Variants in ZFHX3 observed in about 807,000 individuals in gnomAD.
ZFHX3 encodes the protein zinc finger homeobox 3.
In ZFHX3, 42 loss-of-function variants were observed where a neutral mutation model predicts 279.1. The observed-to-expected ratio is 0.15, with a 90% confidence interval of 0.12 to 0.19. The LOEUF (loss-of-function observed/expected upper bound fraction) is 0.19. Among genes scored for constraint, ZFHX3 ranks in the 10% least tolerant of loss-of-function variants. The pLI is 1.00. For synonymous variants in ZFHX3, 2,293 were observed against 1,957.8 expected (o/e 1.17, Z -4.52); for missense variants, 4,981 against 4,754.0 (o/e 1.05, Z -1.40).
At chr16:72,866,858 C>T (rs2038035888) in intron 4 of ZFHX3, among the ~76,000 whole-genome samples, 2 of 152,204 alleles carry the variant, frequency 1.3e-5, no homozygotes, top group Admixed American at 6.5e-5. Context: ...GGCACAAACC[C>T]ACCGACCTGC....
chr16:73,879,002 G>A (rs2030051855), intron 1 of ZFHX3, among the ~76,000 whole-genome samples: 1 of 149,354 alleles, frequency 6.7e-6, no homozygotes, highest in Non-Finnish European at 1.5e-5. Flanking sequence ...AGATCATTAT[G>A]TTCTTCCTCT....
At chr16:73,866,866 C>G (rs1266668596) in intron 1 of ZFHX3, among the ~76,000 whole-genome samples, 1 of 152,190 alleles carries the variant, frequency 6.6e-6, no homozygotes, top group East Asian at 1.9e-4. Context: ...CAAGGCAGCT[C>G]TAGGGAAACC....
intron 1 of ZFHX3, among the ~76,000 whole-genome samples, chr16:73,788,879 C>T (rs1410844689): frequency 1.3e-5 from 2 of 151,654 alleles, no homozygotes; most frequent in Admixed American, 1.3e-4. Flanking sequence ...GAGGCTGAGG[C>T]AGGAGATCCG....
At chr16:73,715,522 G>A (rs1051608957) in intron 1 of ZFHX3, among the ~76,000 whole-genome samples, 2 of 146,062 alleles carry the variant, frequency 1.4e-5, no homozygotes, top group South Asian at 2.1e-4. Flanking sequence ...CACTGAGGCC[G>A]AAACTTATGA....
At chr16:73,154,806 C>A (rs1426693613) in intron 5 of ZFHX3, among the ~76,000 whole-genome samples, 5 of 150,398 alleles carry the variant, frequency 3.3e-5, no homozygotes, top group South Asian at 2.1e-4. Context: ...GTGGTGAAGG[C>A]CATTAAAAAA....
intron 1 of ZFHX3, among the ~76,000 whole-genome samples, chr16:73,876,875 G>A (rs368076635): frequency 1.3e-4 from 20 of 152,106 alleles, no homozygotes; most frequent in African/African-American, 2.4e-4. Flanking sequence ...AAAACCCACC[G>A]TGTGGGTTCA....
intron 4 of ZFHX3, among the ~76,000 whole-genome samples, chr16:72,863,229 A>C (rs1197343324): frequency 6.6e-6 from 1 of 151,262 alleles, no homozygotes; most frequent in Non-Finnish European, 1.5e-5. Flanking sequence ...CAGGTCAGGC[A>C]TGGTGGCTCA....
intron 1 of ZFHX3, among the ~76,000 whole-genome samples, chr16:73,705,841 T>A (rs1193830741): frequency 3.9e-5 from 6 of 152,326 alleles, no homozygotes; most frequent in Non-Finnish European, 8.8e-5. Flanking sequence ...CATATCCAAT[T>A]TATGGCCCTA....
At chr16:73,256,578 G>A (rs1484858005) in intron 5 of ZFHX3, among the ~76,000 whole-genome samples, 2 of 152,216 alleles carry the variant, frequency 1.3e-5, no homozygotes, top group Non-Finnish European at 2.9e-5. Flanking sequence ...CCAGTGATGG[G>A]AGCAGATGGC....
chr16:73,732,000 T>C (rs1231566712), intron 1 of ZFHX3, among the ~76,000 whole-genome samples: 1 of 152,232 alleles, frequency 6.6e-6, no homozygotes, highest in African/African-American at 2.4e-5. Flanking sequence ...CTTGGGGATT[T>C]CAGGCTTTGG....
chr16:73,557,347 G>C (rs932571720), intron 2 of ZFHX3, among the ~76,000 whole-genome samples: 1 of 152,008 alleles, frequency 6.6e-6, no homozygotes, highest in East Asian at 1.9e-4. Flanking sequence ...AAACTAGTCC[G>C]GACCCAGACC....
In ZFHX3 at chr16:73,315,098, T is replaced by C. The variant is rs1315137300; in HGVS notation, c.-1194+3142A>G. Among the ~76,000 whole-genome samples, 4 of 151,638 alleles carry C rather than the reference T, an allele frequency of 2.6e-5. No homozygotes were observed. In the East Asian group the frequency reaches 7.8e-4, roughly 30 times the overall value. On this transcript the variant is annotated intron_variant, in intron 4 of 17. Coordinates refer to the ZFHX3 transcript ENST00000641206. ...CAAAAATTAGTTGGATGTGGTGGGG[T>C]GCACCTACAATCCCAGCTAGTCAGG...
At chr16:73,130,117 G>T (rs1966650900) in intron 7 of ZFHX3, among the ~76,000 whole-genome samples, 1 of 152,166 alleles carries the variant, frequency 6.6e-6, no homozygotes. Flanking sequence ...TCCCAGCACA[G>T]ACTGTAAACA....
intron 4 of ZFHX3, among the ~76,000 whole-genome samples, chr16:73,286,401 A>G (rs759908284): frequency 6.6e-6 from 1 of 152,248 alleles, no homozygotes; most frequent in African/African-American, 2.4e-5. Context: ...TGTGAACCCC[A>G]GTCAAGTACG....
intron 7 of ZFHX3, 66 bp downstream of exon 7, chr16:72,811,511 C>T: frequency 7.1e-7 from 1 of 1,408,436 alleles, no homozygotes; most frequent in East Asian, 2.4e-5. Flanking sequence ...CAGTATCTTG[C>T]CCATGTTACT....
Position 73,814,399 on chromosome 16 carries a change from A to C in ZFHX3, c.-1608+77252T>G, listed in dbSNP as rs1450174454. 2.1e-5 allele frequency among the ~76,000 whole-genome samples: 3 copies of C among 146,114 alleles called. No homozygotes were observed. The East Asian group carries it at 6.2e-4, about 30-fold the overall frequency. On this transcript the variant is annotated intron_variant, in intron 1 of 17. Transcript: ENST00000641206. The stretch of plus-strand genomic sequence containing the variant: ...CAATCACAGCTTTCAGATGGTGGAG[A>C]TCATTCTAAATTTAGAGGAAAAAGT...
chr16:73,359,639 G>A (rs2016402896), intron 3 of ZFHX3, among the ~76,000 whole-genome samples: 1 of 152,208 alleles, frequency 6.6e-6, no homozygotes, highest in African/African-American at 2.4e-5. Flanking sequence ...GGGATGGAGA[G>A]GCCAGCCCTG....
chr16:73,291,602 T>C (rs903356360), intron 4 of ZFHX3, among the ~76,000 whole-genome samples: 4 of 152,190 alleles, frequency 2.6e-5, no homozygotes, highest in Non-Finnish European at 4.4e-5. Context: ...ACAGCATCTG[T>C]TCTCTCGCCT....
At chr16:73,370,734 G>A (rs2016614075) in intron 3 of ZFHX3, among the ~76,000 whole-genome samples, 1 of 152,182 alleles carries the variant, frequency 6.6e-6, no homozygotes, top group Admixed American at 6.5e-5. Context: ...CAATCAAAGG[G>A]CCATCTTGGA....
Sources: gnomAD v4.1 joint callset for allele counts (sites outside exome capture counted in the v4.1 genomes callset) on GRCh38, gnomAD v4.1.1 for gene constraint, MANE v1.5 for transcripts, NCBI Gene and HGNC (gene_info 2026-07-23, HGNC 2026-07-21) for gene names.